Variants in RAPGEF1 observed in about 807,000 individuals in gnomAD.
The protein encoded by RAPGEF1 is CRK SH3-binding GNRP.
Under a neutral mutation model 143.3 loss-of-function variants are expected in RAPGEF1, and 33 were observed. That is an observed-to-expected ratio of 0.23 (90% CI 0.17 to 0.31). The LOEUF (loss-of-function observed/expected upper bound fraction) is 0.31, where lower values mean the gene tolerates loss of function less well. Among genes scored for constraint, RAPGEF1 ranks in the 10% least tolerant of loss-of-function variants. RAPGEF1 has a pLI of 1.00. For missense variants in RAPGEF1, 1,199 were observed against 1,645.4 expected, an observed-to-expected ratio of 0.73 and a Z score of 4.69; for synonymous variants, 629 against 676.5, an observed-to-expected ratio of 0.93 and a Z score of 1.09.
Position 131,739,768 on chromosome 9 carries a change from A to G in RAPGEF1, c.61+2T>C. 1 of 1,170,300 alleles carries G rather than the reference A, an allele frequency of 8.5e-7. No individual in the cohort carries two copies. The highest frequency in any genetic ancestry group is 1.8e-5 in the South Asian group (1 of 56,484). The allele number at this position is 1,170,300 out of a possible 1,614,324, so 72.5% of individuals were successfully genotyped here. A position where few individuals can be genotyped will look rare whatever the true frequency, so the allele number is the denominator to read the frequency against. On this transcript the variant is annotated splice_donor_variant, in intron 1 of 26. Transcript: ENST00000683357. LOFTEE classifies it high-confidence loss of function. ...GGGAGCCGCCCCACGCCCGCGCCTCACCTGCTTTCTCGATCTTGCCGGACA... is the reference window on the plus strand; with the variant it reads ...GGGAGCCGCCCCACGCCCGCGCCTCGCCTGCTTTCTCGATCTTGCCGGACA...
intron 1 of RAPGEF1, among the ~76,000 whole-genome samples, chr9:131,730,950 T>A (rs1837033291): frequency 1.3e-5 from 2 of 152,058 alleles, no homozygotes; most frequent in African/African-American, 4.8e-5. Context: ...GCTGCCTCTG[T>A]GGCAGAGGGG....
intron 1 of RAPGEF1, among the ~76,000 whole-genome samples, chr9:131,677,107 G>A (rs561971925): frequency 2.6e-5 from 4 of 152,278 alleles, no homozygotes; most frequent in South Asian, 4.1e-4. Context: ...TATTTACAAA[G>A]TTTCTACTAT....
In RAPGEF1 at chr9:131,587,993, C is replaced by T; in HGVS notation, c.3087G>A (p.Glu1029=). ...PGTLHDFHSH[E]IAEQLTLLDA... The stretch of plus-strand genomic sequence containing the variant: ...CCAGCAGCGTTAGCTGCTCCGCTAT[C>T]TCATGGCTGTGAAAGTCGTGCAAGG... The change falls in exon 21 of 27, where the codon GAG becomes GAA. Residue 1029 remains glutamate (E), a synonymous_variant. Coordinates refer to ENST00000683357, the MANE Select transcript of RAPGEF1 (RefSeq NM_001377935.1). The T allele has an allele frequency of 6.2e-7, 1 of 1,613,284 alleles. No individual in the cohort carries two copies. The highest frequency in any genetic ancestry group is 8.5e-7 in the Non-Finnish European group (1 of 1,179,728).
chr9:131,623,067 C>T (rs566849834), intron 10 of RAPGEF1, among the ~76,000 whole-genome samples: 2 of 152,230 alleles, frequency 1.3e-5, no homozygotes, highest in African/African-American at 4.8e-5. Flanking sequence ...CAAGCCCAGC[C>T]CCACACTTCC....
chr9:131,679,906 G>C (rs375414333), intron 1 of RAPGEF1, among the ~76,000 whole-genome samples: 6 of 152,246 alleles, frequency 3.9e-5, no homozygotes, highest in African/African-American at 1.4e-4. Context: ...AGAGGAGTTA[G>C]AAGTGGGAAG....
intron 1 of RAPGEF1, among the ~76,000 whole-genome samples, chr9:131,656,897 C>G (rs1308374353): frequency 6.6e-6 from 1 of 152,220 alleles, no homozygotes; most frequent in East Asian, 1.9e-4. Flanking sequence ...CAATGCCTAC[C>G]AATAAATCTC....
At chr9:131,630,200 G>A (rs771003335) in intron 6 of RAPGEF1, 36 bp downstream of exon 6, 15 of 1,601,570 alleles carry the variant, frequency 9.4e-6, no homozygotes, top group South Asian at 2.2e-5. Flanking sequence ...GCCACTGAGC[G>A]TGACACCCGC....
At chr9:131,592,981 G>A (rs1954604663) in intron 17 of RAPGEF1, among the ~76,000 whole-genome samples, 1 of 152,204 alleles carries the variant, frequency 6.6e-6, no homozygotes, top group Non-Finnish European at 1.5e-5. Flanking sequence ...GGCCTCAAGT[G>A]ATTCACTCAG....
intron 1 of RAPGEF1, among the ~76,000 whole-genome samples, chr9:131,739,260 T>C (rs1837599882): frequency 1.3e-5 from 2 of 152,296 alleles, no homozygotes; most frequent in Non-Finnish European, 2.9e-5. Flanking sequence ...AGGGGAAACT[T>C]GACTACCTCC....
chr9:131,640,523 T>C (rs1195848967), intron 4 of RAPGEF1, among the ~76,000 whole-genome samples: 1 of 152,202 alleles, frequency 6.6e-6, no homozygotes, highest in Non-Finnish European at 1.5e-5. Flanking sequence ...AGTTGAGGAC[T>C]ATAAAAAATG....
At position 131,650,945 on chromosome 9, in the gene RAPGEF1, A is replaced by G. The variant is rs752803594; in HGVS notation, c.66T>C (p.Ser22=). The change falls in exon 2 of 27, where the codon TCT becomes TCC. Residue 22 remains serine, a synonymous_variant. Coordinates refer to ENST00000683357, the MANE Select transcript of RAPGEF1 (RefSeq NM_001377935.1). This position sits in a 1 kb window ranked among gnomAD's most constrained non-coding sequence, Gnocchi z 4.7. ...TGAAGGAAGAGAGATGAGAACGCTG[A>G]GAGTCTGAAAACAAAGAGGGTACTG... ...EMSGKIEKAD[S]QRSHLSSFTM... 6.2e-6 allele frequency: 10 copies of G among 1,613,622 alleles called. No individual in the cohort carries two copies. In the African/African-American group the frequency reaches 1.3e-4, roughly 22 times the overall value.
chr9:131,677,693 C>T (rs1392310518), intron 1 of RAPGEF1, among the ~76,000 whole-genome samples: 1 of 152,222 alleles, frequency 6.6e-6, no homozygotes, highest in African/African-American at 2.4e-5. Context: ...AATTAGCTTC[C>T]TCCCTTACGC....
At chr9:131,648,874 A>C (rs980628897) in intron 3 of RAPGEF1, among the ~76,000 whole-genome samples, 4 of 152,232 alleles carry the variant, frequency 2.6e-5, no homozygotes, top group African/African-American at 9.6e-5. Context: ...AAATTCAAGA[A>C]TTATGTATTT....
rs1442322012 is a variant in RAPGEF1, at chr9:131,582,660, AG to A, written c.3456del (p.Phe1153SerfsTer21). The A allele has an allele frequency of 6.5e-7, 1 of 1,538,882 alleles. No homozygotes were observed. On this transcript the variant is annotated frameshift_variant, in exon 25 of 27. Transcript: ENST00000683357. LOFTEE classifies it high-confidence loss of function. Reference protein sequence around the residue: ...EYCTLIDSSSSFRAYRAALSE... With the variant: ...EYCTLIDSSSXFRAYRAALSE... ...GAGAGGGCGGCCCGGTAGGCTCGGA[AG>A]GAGGACGAGCTGTCGATCAGTGTGC...
chr9:131,591,605 A>G (rs3739496), intron 18 of RAPGEF1, among the ~76,000 whole-genome samples: 56,655 of 152,090 alleles, frequency 0.37, 10,939 homozygotes, highest in East Asian at 0.53. Flanking sequence ...TGGATGTGGC[A>G]GTCGCAGGGT....
At chr9:131,731,461 G>A (rs1469993371) in intron 1 of RAPGEF1, among the ~76,000 whole-genome samples, 2 of 152,158 alleles carry the variant, frequency 1.3e-5, no homozygotes, top group South Asian at 2.1e-4. Context: ...TTGTTTGCTC[G>A]TTTGGGGTCA....
At chr9:131,601,520 G>T (rs1405770321) in intron 15 of RAPGEF1, among the ~76,000 whole-genome samples, 1 of 152,198 alleles carries the variant, frequency 6.6e-6, no homozygotes, top group Non-Finnish European at 1.5e-5. Context: ...CCTTTGCAGG[G>T]TGGGGTTATT....
At chr9:131,586,047 C>T (rs1261444200) in intron 22 of RAPGEF1, among the ~76,000 whole-genome samples, 9 of 151,900 alleles carry the variant, frequency 5.9e-5, no homozygotes, top group African/African-American at 1.7e-4. Context: ...GGTGTGGTGG[C>T]GAGCACCTGT....
Position 131,628,626 on chromosome 9 carries a change from G to T in RAPGEF1, c.940C>A (p.Pro314Thr). 6.2e-7 allele frequency: 1 copy of T among 1,612,130 alleles called. No homozygotes were observed. Among genetic ancestry groups the T allele is most frequent in the Non-Finnish European group, 8.5e-7 (1 of 1,178,362 alleles). Residue 314 changes from proline to threonine, a missense_variant, in exon 8 of 27, where the codon CCT becomes ACT. By Grantham distance (38) the Pro-to-Thr change is conservative. This residue lies in a region of RAPGEF1 where 613 missense variants were observed against 710.9 expected (regional missense o/e 0.86). Coordinates refer to ENST00000683357, the MANE Select transcript of RAPGEF1 (RefSeq NM_001377935.1). The surrounding 1 kb of genome is among the most constrained non-coding windows in gnomAD (Gnocchi z 5.7). ...GGGGCCACCACAGCCACTCGGGTAG[G>T]GGACGGCGCCGACTGTCTTTTCTTG... is the stretch of plus-strand genomic sequence containing the variant. ...PPKKRQSAPS[P>T]TRVAVVAPMS...
Sources: gnomAD v4.1 joint callset for allele counts (sites outside exome capture counted in the v4.1 genomes callset) on GRCh38, gnomAD v4.1.1 for gene constraint, gnomAD v4.1.1 regional missense constraint, Gnocchi (gnomAD v3.1) non-coding constraint, MANE v1.5 for transcripts, NCBI Gene and HGNC (gene_info 2026-07-23, HGNC 2026-07-21) for gene names.